The following SLC46A3 variants were observed in gnomAD, a reference collection of about 807,000 sequenced individuals.
The protein encoded by SLC46A3 is solute carrier family 46 member 3.
In SLC46A3, 26 loss-of-function variants were observed where a neutral mutation model predicts 38.5. The observed-to-expected ratio is 0.68, with a 90% CI of 0.49 to 0.94. The LOEUF (loss-of-function observed/expected upper bound fraction) is 0.94, where lower values mean the gene tolerates loss of function less well. Ranked by LOEUF, SLC46A3 falls within the 40% of genes least tolerant of loss-of-function variation. The pLI is 0.00. For synonymous variants in SLC46A3, 185 were observed against 192.5 expected (o/e 0.96, Z 0.32); for missense variants, 510 against 544.3 (o/e 0.94, Z 0.63).
chr13:28,712,671 G>A lies in SLC46A3; in HGVS notation c.1060+9C>T. 2 of 1,557,692 alleles carry A rather than the reference G, an allele frequency of 1.3e-6. No individual in the cohort carries two copies. Among genetic ancestry groups the A allele is most frequent in the Admixed American group, 2.2e-5 (1 of 46,274 alleles). ...CATAGTTAGTTCTAAAGCTACACTT[G>A]GAACTCACCTAAAAACATCATCAGT... On this transcript the variant is annotated intron_variant, in intron 3 of 5. Coordinates refer to ENST00000266943, the MANE Select transcript of SLC46A3 (RefSeq NM_181785.4).
In SLC46A3 at chr13:28,710,829, G is replaced by A. The variant is rs150000575; in HGVS notation, c.1075C>T (p.Leu359Phe). The A allele has an allele frequency of 2.5e-6, 4 of 1,613,512 alleles. No individual in the cohort carries two copies. The highest frequency in any genetic ancestry group is 2.7e-5 in the African/African-American group (2 of 74,896). Residue 359 changes from leucine to phenylalanine, a missense_variant, in exon 4 of 6, where the codon CTT becomes TTT. Coordinates refer to ENST00000266943, the MANE Select transcript of SLC46A3 (RefSeq NM_181785.4). Reference protein sequence around the residue: ...LMMFLARVPFLFTIVPFSVLR... With the variant: ...LMMFLARVPFFFTIVPFSVLR... ...ACAGAGAATGGCACAATAGTGAAAA[G>A]GAACGGCACCCTGGCTGTGAGAGAA... is the stretch of plus-strand genomic sequence containing the variant.
intron 5 of SLC46A3, among the ~76,000 whole-genome samples, chr13:28,701,865 C>T (rs937097180): frequency 6.6e-6 from 1 of 152,102 alleles, no homozygotes; most frequent in Non-Finnish European, 1.5e-5. Context: ...AAAGCTATTA[C>T]TGAAGTTCCT....
chr13:28,718,077 T>C (rs1250556731), intron 1 of SLC46A3, 55 bp from the exon 2 acceptor site: 6 of 1,452,006 alleles, frequency 4.1e-6, no homozygotes, highest in Non-Finnish European at 5.6e-6. Context: ...AGGCTAGATA[T>C]TCAAAGATGG....
intron 5 of SLC46A3, chr13:28,703,693 T>G (rs754476727): frequency 8.5e-5 from 20 of 234,950 alleles, no homozygotes; most frequent in Non-Finnish European, 1.5e-4. Flanking sequence ...TTAAAAAAAT[T>G]TATTTTATTA....
Position 28,717,987 on chromosome 13 carries a change from T to A in SLC46A3, c.12A>T (p.Leu4Phe). Residue 4 changes from leucine (L) to phenylalanine (F), a missense_variant, in exon 2 of 6, where the codon TTA becomes TTT. Physicochemically the swap from Leu to Phe is conservative, Grantham distance 22. Transcript: ENST00000266943. MKI[L>F]FVEPAIFLSA... ...TAAGGAAAATGGCAGGTTCTACAAATAAAATCTTCATATTGCCTGGGTAGG... is the reference window on the plus strand; with the variant it reads ...TAAGGAAAATGGCAGGTTCTACAAAAAAAATCTTCATATTGCCTGGGTAGG... 1 of 1,611,714 alleles carries A rather than the reference T, an allele frequency of 6.2e-7. No individual in the cohort carries two copies. Among genetic ancestry groups the A allele is most frequent in the Non-Finnish European group, 8.5e-7 (1 of 1,179,366 alleles).
At position 28,700,861 on chromosome 13, in the gene SLC46A3, AT is replaced by A. The variant is rs1450091901; in HGVS notation, c.*635del. On this transcript the variant is annotated 3_prime_UTR_variant, in exon 6 of 6. Coordinates refer to ENST00000266943, the MANE Select transcript of SLC46A3 (RefSeq NM_181785.4). ...TCTTTAAAGTGCCTCCCTTTTAAGG[AT>A]TTTGTATCAACAAAGCACTGATTGT... The A allele has an allele frequency of 4.7e-6, 5 of 1,056,584 alleles. No individual in the cohort carries two copies. The Admixed American group carries it at 7.9e-5, about 17-fold the overall frequency. The allele number at this position is 1,056,584 out of a possible 1,614,324, so 65.5% of individuals were successfully genotyped here.
rs368782617 is a variant in SLC46A3 at position 28,712,752 on chromosome 13, T to C, written c.988A>G (p.Ile330Val). 2 of 1,610,034 alleles carry C rather than the reference T, an allele frequency of 1.2e-6. No homozygotes were observed. The highest frequency in any genetic ancestry group is 1.7e-6 in the Non-Finnish European group (2 of 1,179,108). Reference sequence around the variant, plus strand: ...CCTGTCATCGTGGTAAAAATCCCAATGAAGGCCATATGAATATCTTCCATA... The same window carrying C: ...CCTGTCATCGTGGTAAAAATCCCAACGAAGGCCATATGAATATCTTCCATA... The part of the protein sequence containing the change: ...YCMEDIHMAF[I>V]GIFTTMTGMA... The change falls in exon 3 of 6, where the codon ATT becomes GTT. Residue 330 changes from isoleucine to valine, a missense_variant. Physicochemically the swap from Ile to Val is conservative, Grantham distance 29. Transcript: ENST00000266943.
chr13:28,717,739 G>A (rs778071960), intron 2 of SLC46A3, 71 bp downstream of exon 2: 21 of 1,451,606 alleles, frequency 1.4e-5, no homozygotes, highest in African/African-American at 1.1e-4. Context: ...ATGAGTTCAC[G>A]GTCCTCTTTA....
rs374370249 is a variant in SLC46A3 at position 28,718,039 on chromosome 13, C to T, written c.-24-17G>A. 50 of 1,573,748 alleles carry T rather than the reference C, an allele frequency of 3.2e-5. No individual in the cohort carries two copies. The highest frequency in any genetic ancestry group is 3.4e-4 in the Middle Eastern group (2 of 5,858). On this transcript the variant is annotated splice_polypyrimidine_tract_variant and intron_variant, in intron 1 of 5. Coordinates refer to ENST00000266943, the MANE Select transcript of SLC46A3 (RefSeq NM_181785.4). The stretch of plus-strand genomic sequence containing the variant: ...AGCTGTATTCTATAAAAAGTGAAAA[C>T]GGAGAAAGATCATCTGTCTCATCCC...
chr13:28,702,419 C>G (rs1254845655), intron 5 of SLC46A3, among the ~76,000 whole-genome samples: 3 of 152,076 alleles, frequency 2.0e-5, no homozygotes, highest in Admixed American at 2.0e-4. Context: ...CAATTTTTGA[C>G]AAAATTACTC....
chr13:28,702,543 C>T (rs1445863299), intron 5 of SLC46A3, among the ~76,000 whole-genome samples: 1 of 152,120 alleles, frequency 6.6e-6, no homozygotes, highest in Non-Finnish European at 1.5e-5. Flanking sequence ...CTGAATAGTA[C>T]TATTATCAAC....
In SLC46A3 at chr13:28,713,453, T is replaced by A. The variant is rs1221770727; in HGVS notation, c.287A>T (p.Asp96Val). The change falls in exon 3 of 6, where the codon GAT (aspartate) becomes GTT (valine). Residue 96 changes from aspartate to valine, a missense_variant. Transcript: ENST00000266943. Reference sequence around the variant, plus strand: ...CATAGGGAATTTTCGTCCGTAGTGATCACTAATAGACAAAAGTATGAATGT... The same window carrying A: ...CATAGGGAATTTTCGTCCGTAGTGAACACTAATAGACAAAAGTATGAATGT... Reference protein sequence around the residue: ...VSTFILLSISDHYGRKFPMIL... With the variant: ...VSTFILLSISVHYGRKFPMIL... 1.2e-6 allele frequency: 2 copies of A among 1,614,106 alleles called. No individual in the cohort carries two copies. The highest frequency in any genetic ancestry group is 1.7e-5 in the Admixed American group (1 of 60,020).
Position 28,717,491 on chromosome 13 carries a change from T to A in SLC46A3, c.189+319A>T, listed in dbSNP as rs1432308175. 5.5e-3 allele frequency among the ~76,000 whole-genome samples: 138 copies of A among 25,302 alleles called. 8 individuals are homozygous for A. The highest frequency in any genetic ancestry group is 0.036 in the South Asian group (10 of 274). 16.6% of individuals were successfully genotyped at this position (25,302 alleles called of 152,430 possible). On this transcript the variant is annotated intron_variant, in intron 2 of 5. Transcript: ENST00000266943. ...CCCTGCCCCAATTTTCAGACTTTTT[T>A]TTTTTTTTTTTTTTTTTTTAGGACA...
intron 4 of SLC46A3, among the ~76,000 whole-genome samples, chr13:28,705,877 T>C (rs1434445831): frequency 6.6e-6 from 1 of 152,210 alleles, no homozygotes. Context: ...ACAGTACTAG[T>C]TCTATTATGT....
chr13:28,717,705 C>T, intron 2 of SLC46A3, 105 bp downstream of exon 2: 2 of 1,143,846 alleles, frequency 1.7e-6, no homozygotes, highest in South Asian at 1.6e-5. Flanking sequence ...ACTTTGATGG[C>T]CGCCCTAGAG....
At chr13:28,715,666 T>C (rs1270327214) in intron 2 of SLC46A3, among the ~76,000 whole-genome samples, 3 of 152,214 alleles carry the variant, frequency 2.0e-5, no homozygotes. Context: ...CAGTTAACAG[T>C]AATATGTTAT....
rs201328991 is a variant in SLC46A3, at chr13:28,710,761, T to G, written c.1143A>C (p.Gln381His). 6.2e-7 allele frequency: 1 copy of G among 1,610,684 alleles called. No individual in the cohort carries two copies. The highest frequency in any genetic ancestry group is 1.3e-5 in the African/African-American group (1 of 74,954). The change falls in exon 4 of 6, where the codon CAA (glutamine) becomes CAC (histidine). Residue 381 changes from glutamine (Q) to histidine (H), a missense_variant and splice_region_variant. By Grantham distance (24) the Gln-to-His change is conservative. Transcript: ENST00000266943. The part of the protein sequence containing the change: ...MLSKVVRSTE[Q>H]GTLFACIAFL... ...ATTTCTTAAGCAAATTAAACTCACC[T>G]TGTTCAGTCGAACGAACCACTTTTG...
In SLC46A3 at chr13:28,713,025, T is replaced by G. The variant is rs777375049; in HGVS notation, c.715A>C (p.Lys239Gln). 2.0e-5 allele frequency: 33 copies of G among 1,612,572 alleles called. No homozygotes were observed. Among genetic ancestry groups the G allele is most frequent in the Non-Finnish European group, 2.7e-5 (32 of 1,179,824 alleles). Residue 239 changes from lysine (K) to glutamine (Q), a missense_variant, in exon 3 of 6, where the codon AAA (lysine) becomes CAA (glutamine). By Grantham distance (53) the Lys-to-Gln change is moderately conservative. Transcript: ENST00000266943. ...NVTMSCSEGF[K>Q]NLFYRTYMLF... is the part of the protein sequence containing the mutation. ...ATGTAAGTTCGGTAAAATAGGTTTT[T>G]GAAGCCTTCACTACATGACATAGTA...
intron 4 of SLC46A3, 55 bp downstream of exon 4, chr13:28,710,705 A>G: frequency 7.7e-7 from 1 of 1,297,366 alleles, no homozygotes; most frequent in Non-Finnish European, 1.1e-6. Context: ...GATTGTACAC[A>G]GATTTGAGTT....
Sources: gnomAD v4.1 joint callset for allele counts (sites outside exome capture counted in the v4.1 genomes callset) on GRCh38, gnomAD v4.1.1 for gene constraint, MANE v1.5 for transcripts, NCBI Gene and HGNC (gene_info 2026-07-23, HGNC 2026-07-21) for gene names.